The following SEMA5A variants were observed in gnomAD, a reference collection of about 807,000 sequenced individuals.
The protein encoded by SEMA5A is semaphorin-5A.
SEMA5A carries 55 observed loss-of-function variants against 135.5 expected under a neutral mutation model. The observed-to-expected ratio is 0.41, with a 90% CI of 0.33 to 0.51. SEMA5A has a LOEUF of 0.51. SEMA5A is among the 20% of genes least tolerant of loss of function. The probability of loss-of-function intolerance (pLI) is 0.37; values close to 1 mark genes in which losing one functional copy is unlikely to be tolerated. For synonymous variants in SEMA5A, 580 were observed against 546.5 expected, an observed-to-expected ratio of 1.06 and a Z score of -0.85; for missense variants, 1,290 against 1,419.9, an observed-to-expected ratio of 0.91 and a Z score of 1.47.
At chr5:9,068,683 T>C (rs1737606873) in intron 16 of SEMA5A, among the ~76,000 whole-genome samples, 1 of 152,096 alleles carries the variant, frequency 6.6e-6, no homozygotes, top group Non-Finnish European at 1.5e-5. Flanking sequence ...CCCAATGTTG[T>C]TTTGCCACTA....
Position 9,151,100 on chromosome 5 carries a change from T to A in SEMA5A, c.1481+3388A>T, listed in dbSNP as rs780066470. 2.2e-4 allele frequency among the ~76,000 whole-genome samples: 33 copies of A among 152,212 alleles called. 1 individual carries two copies. The highest frequency in any genetic ancestry group is 1.6e-3 in the Admixed American group (24 of 15,286). Reference sequence around the variant, plus strand: ...TTCCTCATCTGAACAATGGATATGGTATGCTACTTTACTTTCAGGATTGAC... The same window carrying A: ...TTCCTCATCTGAACAATGGATATGGAATGCTACTTTACTTTCAGGATTGAC... On this transcript the variant is annotated intron_variant, in intron 12 of 22. Transcript: ENST00000382496.
intron 3 of SEMA5A, among the ~76,000 whole-genome samples, chr5:9,360,989 A>T (rs1382735281): frequency 6.6e-6 from 1 of 152,212 alleles, no homozygotes; most frequent in African/African-American, 2.4e-5. Context: ...AATAAGACAG[A>T]AATCTTGCCC....
chr5:9,311,353 C>A (rs1752122768), intron 5 of SEMA5A, among the ~76,000 whole-genome samples: 1 of 151,958 alleles, frequency 6.6e-6, no homozygotes, highest in Admixed American at 6.6e-5. Flanking sequence ...CCCCCCAACC[C>A]AGATATACAG....
chr5:9,044,010 G>A (rs1008879826), intron 22 of SEMA5A, among the ~76,000 whole-genome samples: 9 of 152,192 alleles, frequency 5.9e-5, no homozygotes, highest in Non-Finnish European at 1.0e-4. Context: ...GCCAGGAGGG[G>A]CGTGTTATTA....
rs115917968 is a variant in SEMA5A, at chr5:9,344,097, C to T, written c.125-6285G>A. Among the ~76,000 whole-genome samples the T allele has an allele frequency of 6.3e-3, 967 of 152,292 alleles. 8 individuals carry two copies. Among genetic ancestry groups the T allele is most frequent in the African/African-American group, 0.022 (923 of 41,576 alleles). ...AAAACATACATATCAGAATAACCAA[C>T]ATTTCTTACTTATACTTCTTTATTT... On this transcript the variant is annotated intron_variant, in intron 3 of 22. Transcript: ENST00000382496.
chr5:9,379,977 G>T lies in SEMA5A; in HGVS notation c.-31C>A, dbSNP rs759905620. ...GCAAGGGGCCTCTGACTCTGGGCACGTGTCTTCTAAACAGAAGCTCTTCTT... is the reference window on the plus strand; with the variant it reads ...GCAAGGGGCCTCTGACTCTGGGCACTTGTCTTCTAAACAGAAGCTCTTCTT... On this transcript the variant is annotated 5_prime_UTR_variant, in exon 3 of 23. Coordinates refer to ENST00000382496, the MANE Select transcript of SEMA5A (RefSeq NM_003966.3). 1.6e-5 allele frequency: 25 copies of T among 1,592,590 alleles called. No homozygotes were observed. Among genetic ancestry groups the T allele is most frequent in the Non-Finnish European group, 2.1e-5 (24 of 1,168,366 alleles).
chr5:9,093,920 C>A (rs1346126308), intron 16 of SEMA5A, among the ~76,000 whole-genome samples: 2 of 152,160 alleles, frequency 1.3e-5, no homozygotes, highest in African/African-American at 4.8e-5. Context: ...GGAAGCTCCT[C>A]CTCTTAACTT....
intron 12 of SEMA5A, among the ~76,000 whole-genome samples, chr5:9,153,619 G>GC (rs397996756): frequency 1.3e-5 from 2 of 151,842 alleles, no homozygotes; most frequent in African/African-American, 4.8e-5. Context: ...GGAGGGGGGG[G>GC]TGTCCCGGAA....
At chr5:9,154,812 G>A (rs1244431224) in intron 11 of SEMA5A, 117 bp from the exon 12 acceptor site, 22 of 885,884 alleles carry the variant, frequency 2.5e-5, no homozygotes, top group Non-Finnish European at 3.4e-5. Context: ...AAAGCCATCT[G>A]AGCATCCTTC....
chr5:9,250,302 G>A (rs1748706642), intron 5 of SEMA5A, among the ~76,000 whole-genome samples: 1 of 152,152 alleles, frequency 6.6e-6, no homozygotes, highest in South Asian at 2.1e-4. Context: ...AGTAGCACAA[G>A]TCTGCCTAAT....
chr5:9,307,167 G>A (rs1751909397), intron 5 of SEMA5A, among the ~76,000 whole-genome samples: 1 of 152,172 alleles, frequency 6.6e-6, no homozygotes. Context: ...AATCATTGAA[G>A]GGATCATGTA....
At chr5:9,256,332 C>G (rs1045583516) in intron 5 of SEMA5A, among the ~76,000 whole-genome samples, 1 of 152,140 alleles carries the variant, frequency 6.6e-6, no homozygotes, top group African/African-American at 2.4e-5. Flanking sequence ...TCCTCTACTC[C>G]TTGAGCCCTG....
intron 4 of SEMA5A, among the ~76,000 whole-genome samples, chr5:9,325,981 C>T (rs73742641): frequency 0.021 from 3,182 of 152,266 alleles, 102 homozygotes; most frequent in African/African-American, 0.071. Flanking sequence ...TTGACAGAAA[C>T]GTTTGTTGCT....
At position 9,318,430 on chromosome 5, in the gene SEMA5A, A is replaced by G. The variant is rs1269501051; in HGVS notation, c.225-13T>C. 4 of 1,607,636 alleles carry G rather than the reference A, an allele frequency of 2.5e-6. No individual in the cohort carries two copies. The highest frequency in any genetic ancestry group is 3.4e-6 in the Non-Finnish European group (4 of 1,176,720). On this transcript the variant is annotated splice_polypyrimidine_tract_variant and intron_variant, in intron 4 of 22. Transcript: ENST00000382496. The stretch of plus-strand genomic sequence containing the variant: ...GAAGAGGTAGTTTCTGCAAAATACA[A>G]AAACAGAGCAGTTTTATTTTTAATA...
At chr5:9,449,249 G>A (rs555070637) in intron 1 of SEMA5A, among the ~76,000 whole-genome samples, 9 of 152,278 alleles carry the variant, frequency 5.9e-5, no homozygotes, top group East Asian at 1.9e-4. Context: ...TAAAAGGGAC[G>A]AGATCATGTC....
At chr5:9,484,613 G>A (rs904366161) in intron 1 of SEMA5A, among the ~76,000 whole-genome samples, 3 of 152,060 alleles carry the variant, frequency 2.0e-5, no homozygotes, top group Non-Finnish European at 2.9e-5. Context: ...ATTATATATC[G>A]GTTTATTAAT....
chr5:9,320,392 T>G (rs1752575817), intron 4 of SEMA5A, among the ~76,000 whole-genome samples: 3 of 152,132 alleles, frequency 2.0e-5, no homozygotes, highest in Admixed American at 6.5e-5. Flanking sequence ...ATTTAGTCAG[T>G]GCCATGAGAA....
intron 16 of SEMA5A, among the ~76,000 whole-genome samples, chr5:9,104,430 A>G (rs1266951467): frequency 6.6e-6 from 1 of 152,236 alleles, no homozygotes; most frequent in Non-Finnish European, 1.5e-5. Flanking sequence ...TCACCTAGTA[A>G]GTTGGGATTT....
chr5:9,063,248 G>A (rs1320152471), intron 17 of SEMA5A, 143 bp from the exon 18 acceptor site: 3 of 778,634 alleles, frequency 3.9e-6, no homozygotes, highest in East Asian at 2.7e-5. Context: ...TTACACTTCA[G>A]TAGCCAAAAA....
Sources: gnomAD v4.1 joint callset for allele counts (sites outside exome capture counted in the v4.1 genomes callset) on GRCh38, gnomAD v4.1.1 for gene constraint, MANE v1.5 for transcripts, NCBI Gene and HGNC (gene_info 2026-07-23, HGNC 2026-07-21) for gene names.